Variants in ST8SIA6 observed in about 807,000 individuals in gnomAD.
ST8SIA6 encodes the protein ST8 alpha-N-acetyl-neuraminide alpha-2,8-sialyltransferase 6.
In ST8SIA6, 39 loss-of-function variants were observed where a neutral mutation model predicts 33.6. The observed-to-expected ratio is 1.16, with a 90% CI of 0.90 to 1.52. The LOEUF is 1.52. Among genes scored for constraint, ST8SIA6 ranks in the 40% most tolerant of loss-of-function variants. The pLI is 0.00. For synonymous variants in ST8SIA6, 172 were observed against 167.2 expected, an observed-to-expected ratio of 1.03 and a Z score of -0.22; for missense variants, 441 against 443.8, an observed-to-expected ratio of 0.99 and a Z score of 0.06.
intron 2 of ST8SIA6, among the ~76,000 whole-genome samples, chr10:17,452,790 G>A (rs1471929812): frequency 6.6e-6 from 1 of 152,124 alleles, no homozygotes; most frequent in African/African-American, 2.4e-5. Flanking sequence ...TTTTGTGGGG[G>A]GAGGGGAATG....
intron 4 of ST8SIA6, among the ~76,000 whole-genome samples, chr10:17,356,303 A>G (rs1849187832): frequency 6.6e-6 from 1 of 152,146 alleles, no homozygotes; most frequent in Admixed American, 6.5e-5. Flanking sequence ...ACATTACAAT[A>G]TAATAAATAT....
At chr10:17,433,934 T>C (rs567566947) in intron 2 of ST8SIA6, among the ~76,000 whole-genome samples, 1 of 152,244 alleles carries the variant, frequency 6.6e-6, no homozygotes, top group East Asian at 1.9e-4. Context: ...CACAAACCCA[T>C]CTTGTTCTTA....
chr10:17,411,700 G>C (rs1851456159), intron 2 of ST8SIA6, among the ~76,000 whole-genome samples: 2 of 152,088 alleles, frequency 1.3e-5, no homozygotes, highest in Admixed American at 1.3e-4. Context: ...CTATTTGCCT[G>C]CAAGACCTCT....
At chr10:17,410,236 C>G (rs1254655598) in intron 2 of ST8SIA6, 1 of 152,046 alleles carries the variant, frequency 6.6e-6, no homozygotes, top group African/African-American at 2.4e-5. Context: ...TTGCATGCAC[C>G]TTAAATAAGA....
chr10:17,418,173 C>G (rs1177405056), intron 2 of ST8SIA6, among the ~76,000 whole-genome samples: 1 of 152,094 alleles, frequency 6.6e-6, no homozygotes, highest in Non-Finnish European at 1.5e-5. Context: ...ATCCTCCCAC[C>G]TCAGCCTTCC....
intron 4 of ST8SIA6, among the ~76,000 whole-genome samples, chr10:17,347,777 T>C (rs986211900): frequency 3.3e-5 from 5 of 151,556 alleles, no homozygotes; most frequent in African/African-American, 1.2e-4. Flanking sequence ...CTACTAAAAA[T>C]ACAAAAAATT....
In ST8SIA6 at chr10:17,453,516, C is replaced by G. The variant is rs765274963; in HGVS notation, c.200+43G>C. 18 of 1,261,202 alleles carry G rather than the reference C, an allele frequency of 1.4e-5. No homozygotes were observed. In the East Asian group the frequency reaches 2.5e-4, roughly 18 times the overall value. 78.1% of individuals were successfully genotyped at this position (1,261,202 alleles called of 1,614,324 possible). A position where few individuals can be genotyped will look rare whatever the true frequency, so the allele number is the denominator to read the frequency against. ...GCAGCCGCGCCCCATGCCCGGCTCG[C>G]AGCTCCCGAGCCCCAGTCCGCCCGC... On this transcript the variant is annotated intron_variant, in intron 2 of 7. Coordinates refer to ENST00000377602, the MANE Select transcript of ST8SIA6 (RefSeq NM_001004470.3).
intron 3 of ST8SIA6, among the ~76,000 whole-genome samples, chr10:17,378,710 CA>C: frequency 6.6e-6 from 1 of 152,292 alleles, no homozygotes. Flanking sequence ...CCCCCAAAAT[CA>C]GTGACTTTAT....
chr10:17,406,730 T>G (rs2131687585), intron 2 of ST8SIA6, among the ~76,000 whole-genome samples: 1 of 152,154 alleles, frequency 6.6e-6, no homozygotes, highest in South Asian at 2.1e-4. Context: ...AAATGCAGAT[T>G]CTGGTTGAGT....
At position 17,347,953 on chromosome 10, in the gene ST8SIA6, C is replaced by CAAAAAAAAAAAA. The variant is rs55996465; in HGVS notation, c.377+11549_377+11560dup. ...CCTAGGCGATGGTGAGACTCTGTCTCAAAAAAAAAAAAAAAAAAAAAATTA... is the reference window on the plus strand; with the variant it reads ...CCTAGGCGATGGTGAGACTCTGTCTCAAAAAAAAAAAAAAAAAAAAAAAAAAAAAAAAAATTA... On this transcript the variant is annotated intron_variant, in intron 4 of 7. Transcript: ENST00000377602. Among the ~76,000 whole-genome samples the CAAAAAAAAAAAA allele has an allele frequency of 2.2e-4, 15 of 68,626 alleles. No individual in the cohort carries two copies. In the East Asian group the frequency reaches 3.3e-3, roughly 15 times the overall value. The allele number at this position is 68,626 out of a possible 152,430, so 45.0% of individuals were successfully genotyped here. A position where few individuals can be genotyped will look rare whatever the true frequency, so the allele number is the denominator to read the frequency against.
At chr10:17,368,232 C>CAAAAAAAAAAA (rs61426907) in intron 3 of ST8SIA6, among the ~76,000 whole-genome samples, 1 of 74,202 alleles carries the variant, frequency 1.3e-5, no homozygotes, top group Non-Finnish European at 2.6e-5. Flanking sequence ...CCTGTCTCTA[C>CAAAAAAAAAAA]AAAAAAAAAA....
intron 2 of ST8SIA6, among the ~76,000 whole-genome samples, chr10:17,396,421 C>T (rs1015928096): frequency 6.6e-6 from 1 of 152,216 alleles, no homozygotes; most frequent in Admixed American, 6.5e-5. Context: ...CATGGCTACA[C>T]TAGGCATCCA....
At chr10:17,359,646 G>T in intron 3 of ST8SIA6, 46 bp from the exon 4 acceptor site, 1 of 1,265,222 alleles carries the variant, frequency 7.9e-7, no homozygotes, top group Non-Finnish European at 1.1e-6. Flanking sequence ...GATCTCATAT[G>T]TAAGTCTTCT....
chr10:17,346,073 G>A (rs1848822794), intron 4 of ST8SIA6, among the ~76,000 whole-genome samples: 2 of 152,172 alleles, frequency 1.3e-5, no homozygotes, highest in South Asian at 4.1e-4. Flanking sequence ...TTCATTCTCT[G>A]GACACTTCCC....
intron 2 of ST8SIA6, 131 bp downstream of exon 2, chr10:17,453,428 C>A: frequency 1.6e-6 from 1 of 616,428 alleles, no homozygotes; most frequent in South Asian, 8.5e-5. Flanking sequence ...TTCAAACACA[C>A]GCACACTCTT....
At chr10:17,362,043 C>G (rs544083938) in intron 3 of ST8SIA6, among the ~76,000 whole-genome samples, 1 of 152,264 alleles carries the variant, frequency 6.6e-6, no homozygotes, top group South Asian at 2.1e-4. Context: ...TGGCTAGGAT[C>G]ATACTTAATG....
At chr10:17,452,412 T>C (rs1047778863) in intron 2 of ST8SIA6, among the ~76,000 whole-genome samples, 2 of 151,968 alleles carry the variant, frequency 1.3e-5, no homozygotes, top group Non-Finnish European at 2.9e-5. Context: ...TTGCAAGAGA[T>C]AAAAAGAGGA....
rs574341014 is a variant in ST8SIA6, at chr10:17,357,155, G to A, written c.377+2359C>T. Among the ~76,000 whole-genome samples, 8 of 151,328 alleles carry A rather than the reference G, an allele frequency of 5.3e-5. No homozygotes were observed. In the South Asian group the frequency reaches 8.4e-4, roughly 16 times the overall value. On this transcript the variant is annotated intron_variant, in intron 4 of 7. Coordinates refer to ENST00000377602, the MANE Select transcript of ST8SIA6 (RefSeq NM_001004470.3). ...TTCTTTTTTTTTTTTCTTTTGAGAC[G>A]GAGTCTCTCTGTCATGTCACCCAGG...
intron 2 of ST8SIA6, chr10:17,410,148 T>C (rs911262318): frequency 6.6e-6 from 1 of 152,200 alleles, no homozygotes; most frequent in Non-Finnish European, 1.5e-5. Flanking sequence ...CTGTTTGGGG[T>C]TTATTTGTGG....
Sources: gnomAD v4.1 joint callset for allele counts (sites outside exome capture counted in the v4.1 genomes callset) on GRCh38, gnomAD v4.1.1 for gene constraint, MANE v1.5 for transcripts, NCBI Gene and HGNC (gene_info 2026-07-23, HGNC 2026-07-21) for gene names.